The following PCNX2 variants were observed in gnomAD, a reference collection of about 807,000 sequenced individuals.
The protein encoded by PCNX2 is pecanex-like protein 2.
Under a neutral mutation model 223.8 loss-of-function variants are expected in PCNX2, and 168 were observed. The ratio of observed to expected loss-of-function variants is 0.75; its 90% CI spans 0.66 to 0.85. The LOEUF (loss-of-function observed/expected upper bound fraction) is 0.85, where lower values mean the gene tolerates loss of function less well. PCNX2 is among the 40% of genes least tolerant of loss of function. The probability of loss-of-function intolerance (pLI) is 0.00; values close to 1 mark genes in which losing one functional copy is unlikely to be tolerated. For missense variants in PCNX2, 2,507 were observed against 2,675.5 expected (o/e 0.94, Z 1.39); for synonymous variants, 1,006 against 1,052.6 (o/e 0.96, Z 0.86).
chr1:232,999,433 C>G, intron 30 of PCNX2, 54 bp from the exon 31 acceptor site: 1 of 1,251,808 alleles, frequency 8.0e-7, no homozygotes, highest in Admixed American at 2.9e-5. Context: ...GTTTTCCAGT[C>G]TATTGGTTTT....
intron 26 of PCNX2, among the ~76,000 whole-genome samples, chr1:233,017,355 T>C (rs1350701399): frequency 7.4e-6 from 1 of 134,764 alleles, no homozygotes; most frequent in Non-Finnish European, 1.5e-5. Flanking sequence ...TCTTGCTCTG[T>C]CACCCAGGCT....
At chr1:233,073,696 T>C (rs1473275627) in intron 23 of PCNX2, among the ~76,000 whole-genome samples, 1 of 151,974 alleles carries the variant, frequency 6.6e-6, no homozygotes, top group Non-Finnish European at 1.5e-5. Context: ...CACTGAAGTC[T>C]CTAACTTCTA....
intron 25 of PCNX2, among the ~76,000 whole-genome samples, chr1:233,048,049 C>G (rs2102867607): frequency 6.6e-6 from 1 of 152,058 alleles, no homozygotes; most frequent in Non-Finnish European, 1.5e-5. Flanking sequence ...AAATCAATAC[C>G]AAGAAGAACT....
intron 25 of PCNX2, among the ~76,000 whole-genome samples, chr1:233,046,037 T>C (rs1405141721): frequency 1.3e-5 from 2 of 152,266 alleles, no homozygotes; most frequent in African/African-American, 4.8e-5. Flanking sequence ...AGAACTCTTA[T>C]TGACACAAAT....
At chr1:233,094,735 T>A (rs1276449383) in intron 22 of PCNX2, among the ~76,000 whole-genome samples, 2 of 152,176 alleles carry the variant, frequency 1.3e-5, no homozygotes, top group Non-Finnish European at 2.9e-5. Context: ...GGAAGAGAGT[T>A]CTGAGTGGTC....
At chr1:233,185,426 T>G (rs1264010862) in intron 15 of PCNX2, among the ~76,000 whole-genome samples, 1 of 152,116 alleles carries the variant, frequency 6.6e-6, no homozygotes, top group Non-Finnish European at 1.5e-5. Flanking sequence ...TAAACGTGTA[T>G]ATAGCTAACT....
chr1:233,067,967 CAGA>C (rs1464435751), intron 23 of PCNX2, among the ~76,000 whole-genome samples: 1 of 151,894 alleles, frequency 6.6e-6, no homozygotes, highest in East Asian at 1.9e-4. Flanking sequence ...ATCAGGGTCC[CAGA>C]AGGAGAGAAG....
chr1:233,319,937 A>G, the PCNX2 span, among the ~76,000 whole-genome samples: 1 of 152,210 alleles, frequency 6.6e-6, no homozygotes, highest in Non-Finnish European at 1.5e-5. Context: ...ACTAAAACAT[A>G]TAGGTAAGTT....
At chr1:233,057,463 G>A (rs558605903) in intron 23 of PCNX2, 173 bp from the exon 24 acceptor site, 31 of 600,092 alleles carry the variant, frequency 5.2e-5, no homozygotes, top group Admixed American at 2.5e-4. Flanking sequence ...CATGATAAGA[G>A]ATAGAGGGAG....
chr1:233,324,980 C>A, the PCNX2 span, among the ~76,000 whole-genome samples: 3 of 152,210 alleles, frequency 2.0e-5, no homozygotes. Flanking sequence ...GACAATGTAT[C>A]TGGTCACCCA....
intron 1 of PCNX2, among the ~76,000 whole-genome samples, chr1:233,266,618 C>A (rs1332595281): frequency 6.6e-6 from 1 of 152,142 alleles, no homozygotes; most frequent in African/African-American, 2.4e-5. Flanking sequence ...AAGGGATTCG[C>A]CATAGATGAG....
intron 25 of PCNX2, among the ~76,000 whole-genome samples, chr1:233,034,361 A>G (rs1037450243): frequency 2.6e-5 from 4 of 152,172 alleles, no homozygotes; most frequent in African/African-American, 9.7e-5. Flanking sequence ...CACTGCAGAA[A>G]GATGGCTGTC....
chr1:233,095,635 C>T, intron 22 of PCNX2, 120 bp downstream of exon 22: 1 of 913,596 alleles, frequency 1.1e-6, no homozygotes, highest in Non-Finnish European at 1.8e-6. Context: ...TCTTCATGTC[C>T]CCATTAAAAT....
At chr1:233,162,807 A>C (rs551498464) in intron 17 of PCNX2, among the ~76,000 whole-genome samples, 1 of 152,288 alleles carries the variant, frequency 6.6e-6, no homozygotes, top group Admixed American at 6.5e-5. Context: ...TGTTTATCTG[A>C]AAGAAGATAA....
the PCNX2 span, among the ~76,000 whole-genome samples, chr1:233,305,473 T>A: frequency 8.2e-3 from 1,242 of 152,258 alleles, 14 homozygotes; most frequent in South Asian, 0.019. Flanking sequence ...TGTGACAGGG[T>A]CTCACTCCAT....
chr1:233,010,109 A>C (rs1440800129), intron 28 of PCNX2, among the ~76,000 whole-genome samples: 2 of 152,220 alleles, frequency 1.3e-5, no homozygotes, highest in African/African-American at 4.8e-5. Flanking sequence ...TGGCAAGTGG[A>C]CCTTAATTTC....
In PCNX2 at chr1:233,139,643, T is replaced by C; in HGVS notation, c.3659+71A>G. The C allele has an allele frequency of 6.7e-7, 1 of 1,501,554 alleles. No homozygotes were observed. Among genetic ancestry groups the C allele is most frequent in the Non-Finnish European group, 9.0e-7 (1 of 1,114,016 alleles). The allele number at this position is 1,501,554 out of a possible 1,614,324, so 93.0% of individuals were successfully genotyped here. On this transcript the variant is annotated intron_variant, in intron 20 of 33. Transcript: ENST00000258229. This position sits in a 1 kb window ranked among gnomAD's most constrained non-coding sequence, Gnocchi z 4.4. ...AAAGGTTGGCTTCTTCTGCAGATTGTTTACAGAAAATTCACTCGATTTTGA... is the reference window on the plus strand; with the variant it reads ...AAAGGTTGGCTTCTTCTGCAGATTGCTTACAGAAAATTCACTCGATTTTGA...
chr1:233,168,643 C>T (rs1320647913), intron 17 of PCNX2, among the ~76,000 whole-genome samples: 1 of 151,986 alleles, frequency 6.6e-6, no homozygotes, highest in Non-Finnish European at 1.5e-5. Context: ...CATTGTTTAC[C>T]ATGATGAATT....
intron 20 of PCNX2, among the ~76,000 whole-genome samples, chr1:233,138,762 G>A (rs1424669684): frequency 6.6e-6 from 1 of 152,194 alleles, no homozygotes; most frequent in East Asian, 1.9e-4. Context: ...AACAGGTCTG[G>A]ACTAGAAGGA....
Sources: gnomAD v4.1 joint callset for allele counts (sites outside exome capture counted in the v4.1 genomes callset) on GRCh38, gnomAD v4.1.1 for gene constraint, Gnocchi (gnomAD v3.1) non-coding constraint, MANE v1.5 for transcripts, NCBI Gene and HGNC (gene_info 2026-07-23, HGNC 2026-07-21) for gene names.